CEP83: variants seen among roughly 807,000 people sequenced by gnomAD.
CEP83 encodes the protein centrosomal protein of 83 kDa.
CEP83 carries 70 observed loss-of-function variants against 101.9 expected under a neutral mutation model. That is an observed-to-expected ratio of 0.69 (90% CI 0.57 to 0.84). The LOEUF (loss-of-function observed/expected upper bound fraction) is 0.84. CEP83 is among the 40% of genes least tolerant of loss of function. The pLI, the probability that CEP83 is intolerant of heterozygous loss-of-function variation, is 0.00. For missense variants in CEP83, 715 were observed against 787.2 expected (o/e 0.91, Z 1.10); for synonymous variants, 264 against 267.9 (o/e 0.99, Z 0.14).
chr12:94,396,138 T>C (rs971832169), intron 6 of CEP83, among the ~76,000 whole-genome samples: 5 of 152,136 alleles, frequency 3.3e-5, no homozygotes, highest in Non-Finnish European at 7.4e-5. Context: ...TTGTCATTAC[T>C]ATTTCCAGAA....
chr12:94,423,767 A>G, intron 2 of CEP83: 1 of 1,613,552 alleles, frequency 6.2e-7, no homozygotes, highest in Non-Finnish European at 8.5e-7. Flanking sequence ...TGGAAAGAAT[A>G]GACCCCATGC....
intron 2 of CEP83, among the ~76,000 whole-genome samples, chr12:94,430,012 C>T (rs890582729): frequency 6.6e-6 from 1 of 152,126 alleles, no homozygotes; most frequent in African/African-American, 2.4e-5. Flanking sequence ...CTAAGGATCA[C>T]CCCACCCCTT....
At chr12:94,341,240 T>C (rs2059673651) in intron 11 of CEP83, among the ~76,000 whole-genome samples, 1 of 152,170 alleles carries the variant, frequency 6.6e-6, no homozygotes, top group Non-Finnish European at 1.5e-5. Flanking sequence ...AAAAGACTGG[T>C]ATATAATTAA....
chr12:94,439,643 G>A (rs1314244012), intron 1 of CEP83, among the ~76,000 whole-genome samples: 2 of 151,316 alleles, frequency 1.3e-5, no homozygotes, highest in Admixed American at 6.6e-5. Flanking sequence ...TCCTACTGAA[G>A]CTATTCCAAA....
At chr12:94,383,212 C>A (rs763411617) in intron 6 of CEP83, among the ~76,000 whole-genome samples, 1 of 152,010 alleles carries the variant, frequency 6.6e-6, no homozygotes, top group Non-Finnish European at 1.5e-5. Flanking sequence ...ATTAATGATT[C>A]CATGATATAG....
At chr12:94,409,413 C>A (rs1219930409) in intron 4 of CEP83, among the ~76,000 whole-genome samples, 1 of 151,840 alleles carries the variant, frequency 6.6e-6, no homozygotes, top group Non-Finnish European at 1.5e-5. Flanking sequence ...AAGTTACCAA[C>A]AGGGAGGCTA....
chr12:94,327,009 A>G (rs1276078912), intron 14 of CEP83, among the ~76,000 whole-genome samples: 1 of 150,256 alleles, frequency 6.7e-6, no homozygotes, highest in African/African-American at 2.5e-5. Flanking sequence ...AAATTTGGAG[A>G]TAAGGCAGAC....
At chr12:94,353,414 A>C (rs1024012263) in intron 11 of CEP83, among the ~76,000 whole-genome samples, 2 of 152,200 alleles carry the variant, frequency 1.3e-5, no homozygotes, top group Non-Finnish European at 2.9e-5. Flanking sequence ...TATAAAACTC[A>C]CTAGTAGAGC....
intron 11 of CEP83, among the ~76,000 whole-genome samples, chr12:94,361,714 T>C (rs1196602075): frequency 6.6e-6 from 1 of 152,068 alleles, no homozygotes. Context: ...AATTTTTTTT[T>C]TTTTGAGACA....
intron 6 of CEP83, among the ~76,000 whole-genome samples, chr12:94,379,338 C>A (rs1160309876): frequency 7.9e-5 from 12 of 152,150 alleles, no homozygotes; most frequent in Admixed American, 7.9e-4. Context: ...AAACATACAT[C>A]AAGTATTTTA....
chr12:94,340,256 G>T (rs2059621952), intron 11 of CEP83, among the ~76,000 whole-genome samples: 1 of 152,082 alleles, frequency 6.6e-6, no homozygotes, highest in South Asian at 2.1e-4. Context: ...CTTGGTTATT[G>T]CTATTCCCCT....
intron 14 of CEP83, among the ~76,000 whole-genome samples, chr12:94,320,128 G>A (rs1250384925): frequency 6.6e-6 from 1 of 151,982 alleles, no homozygotes; most frequent in Non-Finnish European, 1.5e-5. Flanking sequence ...GATTTTTGTT[G>A]GTTTAAAATG....
intron 1 of CEP83, among the ~76,000 whole-genome samples, chr12:94,453,581 A>G (rs1426344290): frequency 6.6e-6 from 1 of 152,214 alleles, no homozygotes; most frequent in Non-Finnish European, 1.5e-5. Context: ...CTTATTCACA[A>G]TCTCCCCAGT....
At chr12:94,423,854 G>C (rs2064976132) in intron 2 of CEP83, 2 of 1,612,694 alleles carry the variant, frequency 1.2e-6, no homozygotes, top group Admixed American at 1.7e-5. Context: ...GGAAGGCACA[G>C]GGGTGTACTG....
At chr12:94,321,404 T>C (rs979184336) in intron 14 of CEP83, among the ~76,000 whole-genome samples, 1 of 152,214 alleles carries the variant, frequency 6.6e-6, no homozygotes, top group African/African-American at 2.4e-5. Flanking sequence ...AGAACCCTTG[T>C]TGGAGAACTA....
intron 5 of CEP83, 109 bp downstream of exon 5, chr12:94,403,061 G>T: frequency 1.6e-6 from 1 of 610,010 alleles, no homozygotes; most frequent in Non-Finnish European, 2.9e-6. Context: ...TGCAATGACT[G>T]AGTAAAAGGG....
At chr12:94,436,462 A>G (rs553374367) in intron 1 of CEP83, among the ~76,000 whole-genome samples, 2 of 152,216 alleles carry the variant, frequency 1.3e-5, no homozygotes, top group Non-Finnish European at 2.9e-5. Context: ...AGTTCCAACA[A>G]CAGAACTGAA....
At chr12:94,396,129 T>G (rs1186117561) in intron 6 of CEP83, among the ~76,000 whole-genome samples, 1 of 152,152 alleles carries the variant, frequency 6.6e-6, no homozygotes, top group Non-Finnish European at 1.5e-5. Context: ...AACTCTGTAT[T>G]GTCATTACTA....
At chr12:94,393,988 T>A (rs937882842) in intron 6 of CEP83, among the ~76,000 whole-genome samples, 26 of 152,178 alleles carry the variant, frequency 1.7e-4, no homozygotes, top group Non-Finnish European at 3.4e-4. Context: ...CACAAACAAA[T>A]GGAAAAACAT....
Sources: allele counts gnomAD v4.1 joint callset (sites outside exome capture counted in the v4.1 genomes callset), GRCh38; gene constraint gnomAD v4.1.1; transcripts MANE v1.5; gene names NCBI Gene and HGNC (gene_info 2026-07-23, HGNC 2026-07-21).